TYW1: variants seen among roughly 807,000 people sequenced by gnomAD.
TYW1 encodes the protein S-adenosyl-L-methionine-dependent tRNA 4-demethylwyosine synthase TYW1.
A neutral mutation model predicts 96.2 loss-of-function variants in TYW1; 46 were observed. The observed-to-expected ratio is 0.48, with a 90% CI of 0.38 to 0.61. The LOEUF is 0.61. Ranked by LOEUF, TYW1 falls within the 20% of genes least tolerant of loss-of-function variation. TYW1 has a pLI of 0.00. For synonymous variants in TYW1, 274 were observed against 323.0 expected (o/e 0.85, Z 1.63); for missense variants, 684 against 909.6 (o/e 0.75, Z 3.19).
intron 13 of TYW1, among the ~76,000 whole-genome samples, chr7:67,145,379 G>A (rs1220504587): frequency 6.6e-6 from 1 of 152,036 alleles, no homozygotes; most frequent in Non-Finnish European, 1.5e-5. Flanking sequence ...TCGATCTCCT[G>A]ACCTCTTGAT....
chr7:67,214,037 T>C (rs1452444856), intron 15 of TYW1, among the ~76,000 whole-genome samples: 4 of 152,178 alleles, frequency 2.6e-5, no homozygotes, highest in African/African-American at 9.7e-5. Context: ...AGTTTGTCAA[T>C]GTCTACAAAA....
chr7:67,116,610 G>A (rs34892854), intron 12 of TYW1, among the ~76,000 whole-genome samples: 9 of 152,178 alleles, frequency 5.9e-5, no homozygotes, highest in African/African-American at 1.7e-4. Flanking sequence ...GGTCACTTGA[G>A]CCTGGGAGGT....
In TYW1 at chr7:67,179,077, C is replaced by T. The variant is rs868243256; in HGVS notation, c.1699-4049C>T. Among the ~76,000 whole-genome samples the T allele has an allele frequency of 3.6e-5, 5 of 140,780 alleles. No individual in the cohort carries two copies. The South Asian group carries it at 9.3e-4, about 26-fold the overall frequency. The allele number at this position is 140,780 out of a possible 152,430, so 92.4% of individuals were successfully genotyped here. On this transcript the variant is annotated intron_variant, in intron 13 of 15. Coordinates refer to ENST00000359626, the MANE Select transcript of TYW1 (RefSeq NM_018264.4). ...TTGAAGGGTACAGCTCCTTGCAGAGCAGGGCTAACTCATAGGCAGCGCACC... is the reference window on the plus strand; with the variant it reads ...TTGAAGGGTACAGCTCCTTGCAGAGTAGGGCTAACTCATAGGCAGCGCACC...
chr7:67,000,302 A>T (rs1793340008), intron 3 of TYW1, among the ~76,000 whole-genome samples: 1 of 151,322 alleles, frequency 6.6e-6, no homozygotes, highest in African/African-American at 2.4e-5. Context: ...TTTTAAAAAA[A>T]TTTATTTTAT....
intron 13 of TYW1, among the ~76,000 whole-genome samples, chr7:67,159,620 TC>T (rs1383855497): frequency 6.6e-6 from 1 of 151,810 alleles, no homozygotes; most frequent in Non-Finnish European, 1.5e-5. Context: ...TTCCCTGTCA[TC>T]CCCCACCTCC....
chr7:67,109,502 G>C (rs1430693478), intron 12 of TYW1, among the ~76,000 whole-genome samples: 2 of 152,014 alleles, frequency 1.3e-5, no homozygotes, highest in South Asian at 4.1e-4. Context: ...ATATATTCAC[G>C]AAAAAATGGT....
chr7:67,214,781 G>A (rs1015201797), intron 15 of TYW1, among the ~76,000 whole-genome samples: 13 of 139,162 alleles, frequency 9.3e-5, no homozygotes, highest in African/African-American at 3.6e-4. Flanking sequence ...TTTTTCTTTA[G>A]CCTATTGATA....
At chr7:66,997,848 C>G (rs1281885311) in intron 1 of TYW1, among the ~76,000 whole-genome samples, 1 of 152,056 alleles carries the variant, frequency 6.6e-6, no homozygotes, top group Admixed American at 6.6e-5. Context: ...AGGCTGGTCT[C>G]GAACTCCTGA....
At chr7:67,203,531 G>A (rs1036268196) in intron 15 of TYW1, among the ~76,000 whole-genome samples, 2 of 152,186 alleles carry the variant, frequency 1.3e-5, no homozygotes, top group African/African-American at 4.8e-5. Flanking sequence ...AGCAGTTTGA[G>A]TGAAATGTGG....
chr7:67,137,953 A>G (rs571717618), intron 13 of TYW1, among the ~76,000 whole-genome samples: 11 of 152,300 alleles, frequency 7.2e-5, no homozygotes, highest in African/African-American at 2.2e-4. Flanking sequence ...TTGATCCCAG[A>G]GTACCGAAAA....
chr7:67,042,673 G>A (rs1053823034), intron 7 of TYW1, among the ~76,000 whole-genome samples: 2 of 152,050 alleles, frequency 1.3e-5, no homozygotes, highest in African/African-American at 4.8e-5. Context: ...TAGCGGGTGT[G>A]GGGAGAGAGG....
chr7:67,062,566 C>CAAAAAAAAAAAAAAAAAAAAAAAAA (rs56770876), intron 9 of TYW1, among the ~76,000 whole-genome samples: 1 of 89,156 alleles, frequency 1.1e-5, no homozygotes, highest in Non-Finnish European at 2.2e-5. Flanking sequence ...GACTCCGTCT[C>CAAAAAAAAAAAAAAAAAAAAAAAAA]AAAAAAAAAA....
In TYW1 at chr7:67,109,510, G is replaced by T. The variant is rs925677815; in HGVS notation, c.1563-7973G>T. The stretch of plus-strand genomic sequence containing the variant: ...GAGGAGCATATATTCACGAAAAAAT[G>T]GTTGCATCTCAGTAAGAAAAAAGAG... On this transcript the variant is annotated intron_variant, in intron 12 of 15. Coordinates refer to ENST00000359626, the MANE Select transcript of TYW1 (RefSeq NM_018264.4). Among the ~76,000 whole-genome samples, 10 of 152,228 alleles carry T rather than the reference G, an allele frequency of 6.6e-5. No individual in the cohort carries two copies. The East Asian group carries it at 9.6e-4, about 15-fold the overall frequency.
chr7:67,098,766 C>G (rs370443711), intron 12 of TYW1, 48 bp downstream of exon 12: 2 of 1,515,544 alleles, frequency 1.3e-6, no homozygotes, highest in African/African-American at 2.8e-5. Context: ...CTATGTTTCA[C>G]TGCAAAGTAA....
chr7:67,224,656 C>G (rs1330542569), intron 15 of TYW1, among the ~76,000 whole-genome samples: 1 of 152,360 alleles, frequency 6.6e-6, no homozygotes, highest in African/African-American at 2.4e-5. Flanking sequence ...AGATATTCCT[C>G]TATTGCCTTC....
At chr7:67,005,410 A>G (rs1793540306) in intron 3 of TYW1, among the ~76,000 whole-genome samples, 1 of 152,218 alleles carries the variant, frequency 6.6e-6, no homozygotes, top group Non-Finnish European at 1.5e-5. Flanking sequence ...AACCTGTGCA[A>G]CATGGCAAAA....
At chr7:67,028,703 A>G (rs1234422711) in intron 7 of TYW1, among the ~76,000 whole-genome samples, 2 of 152,174 alleles carry the variant, frequency 1.3e-5, no homozygotes, top group Non-Finnish European at 2.9e-5. Context: ...TCTAGCCTGT[A>G]TGGAAGGGCT....
intron 10 of TYW1, among the ~76,000 whole-genome samples, chr7:67,070,585 T>C (rs573683427): frequency 2.6e-4 from 40 of 152,316 alleles, no homozygotes; most frequent in Non-Finnish European, 4.4e-4. Context: ...CATCTTCTGT[T>C]TGGTTCCTTC....
intron 8 of TYW1, among the ~76,000 whole-genome samples, chr7:67,053,256 G>A (rs181345693): frequency 3.8e-4 from 58 of 152,022 alleles, no homozygotes; most frequent in Middle Eastern, 3.5e-3. Flanking sequence ...AATGACTTGT[G>A]CATCTTTAGA....
Sources: allele counts gnomAD v4.1 joint callset (sites outside exome capture counted in the v4.1 genomes callset), GRCh38; gene constraint gnomAD v4.1.1; transcripts MANE v1.5; gene names NCBI Gene and HGNC (gene_info 2026-07-23, HGNC 2026-07-21).